Variants in PRKG1 observed in about 807,000 individuals in gnomAD.
PRKG1 encodes the protein protein kinase cGMP-dependent 1.
PRKG1 carries 35 observed loss-of-function variants against 88.1 expected under a neutral mutation model. The observed-to-expected ratio is 0.40, with a 90% CI of 0.30 to 0.53. The LOEUF (loss-of-function observed/expected upper bound fraction) is 0.53. PRKG1 is among the 20% of genes least tolerant of loss of function. The pLI is 0.59. For synonymous variants in PRKG1, 303 were observed against 292.5 expected, an observed-to-expected ratio of 1.04 and a Z score of -0.37; for missense variants, 540 against 839.8, an observed-to-expected ratio of 0.64 and a Z score of 4.41.
At chr10:51,705,629 T>C (rs560615984) in intron 3 of PRKG1, among the ~76,000 whole-genome samples, 63 of 152,284 alleles carry the variant, frequency 4.1e-4, no homozygotes, top group Non-Finnish European at 6.3e-4. Flanking sequence ...GAGCACTTAG[T>C]AGGGAGAAGG....
chr10:52,013,286 G>T (rs1438024330), intron 5 of PRKG1, among the ~76,000 whole-genome samples: 1 of 152,176 alleles, frequency 6.6e-6, no homozygotes, highest in African/African-American at 2.4e-5. Flanking sequence ...AGGCGTGGTG[G>T]TGGACACCTG....
intron 3 of PRKG1, among the ~76,000 whole-genome samples, chr10:51,578,519 C>A (rs1290855682): frequency 6.6e-6 from 1 of 151,962 alleles, no homozygotes; most frequent in Non-Finnish European, 1.5e-5. Context: ...TGGATCTATC[C>A]CTCTTTGCTG....
chr10:51,371,392 A>G (rs1201746061), intron 2 of PRKG1, among the ~76,000 whole-genome samples: 1 of 152,020 alleles, frequency 6.6e-6, no homozygotes, highest in Non-Finnish European at 1.5e-5. Flanking sequence ...AAAGAAAAAA[A>G]AACATGAGGA....
At chr10:51,847,603 ATTTT>A in intron 4 of PRKG1, among the ~76,000 whole-genome samples, 1 of 149,002 alleles carries the variant, frequency 6.7e-6, no homozygotes. Context: ...TTTAACAATG[ATTTT>A]TTTTTTCTGT....
chr10:51,959,292 G>A (rs74132860), intron 5 of PRKG1, among the ~76,000 whole-genome samples: 11,774 of 152,184 alleles, frequency 0.077, 1,285 homozygotes, highest in African/African-American at 0.24. Flanking sequence ...AGAAGATTTT[G>A]TAGAGGAGAA....
intron 2 of PRKG1, among the ~76,000 whole-genome samples, chr10:51,275,357 G>C (rs1399285604): frequency 6.6e-6 from 1 of 151,930 alleles, no homozygotes. Flanking sequence ...CACTTCTTTT[G>C]TTCATAAAAC....
At chr10:51,124,710 G>T (rs1403945457) in intron 1 of PRKG1, among the ~76,000 whole-genome samples, 1 of 152,156 alleles carries the variant, frequency 6.6e-6, no homozygotes, top group Non-Finnish European at 1.5e-5. Flanking sequence ...CATGGCTTTA[G>T]CCCTAATTGT....
At chr10:51,221,392 A>T (rs1589255633) in intron 2 of PRKG1, among the ~76,000 whole-genome samples, 1 of 152,122 alleles carries the variant, frequency 6.6e-6, no homozygotes, top group East Asian at 1.9e-4. Context: ...CAAAATATAT[A>T]TATTTAAGAT....
chr10:52,261,899 G>A (rs1315574741), intron 10 of PRKG1, among the ~76,000 whole-genome samples: 2 of 152,108 alleles, frequency 1.3e-5, no homozygotes, highest in African/African-American at 2.4e-5. Context: ...TTCACTTAAA[G>A]CATTTCATTT....
At chr10:51,765,028 T>G (rs1745891323) in intron 3 of PRKG1, among the ~76,000 whole-genome samples, 1 of 152,196 alleles carries the variant, frequency 6.6e-6, no homozygotes, top group South Asian at 2.1e-4. Context: ...TTTCTGTTGT[T>G]TATAAGCTGC....
At chr10:51,947,819 G>T (rs1843086134) in intron 5 of PRKG1, among the ~76,000 whole-genome samples, 1 of 151,728 alleles carries the variant, frequency 6.6e-6, no homozygotes, top group Admixed American at 6.5e-5. Flanking sequence ...TTGGGGTGGA[G>T]AGGGAGAGTC....
At chr10:51,972,579 A>C (rs959111485) in intron 5 of PRKG1, among the ~76,000 whole-genome samples, 1 of 152,152 alleles carries the variant, frequency 6.6e-6, no homozygotes. Flanking sequence ...TTTAAACTTC[A>C]GTTGTGAGTT....
chr10:51,733,795 G>T (rs767349161), intron 3 of PRKG1, among the ~76,000 whole-genome samples: 1 of 151,968 alleles, frequency 6.6e-6, no homozygotes, highest in Non-Finnish European at 1.5e-5. Flanking sequence ...TGCAATTGTC[G>T]CAATGAATAT....
chr10:51,501,227 G>C (rs1484861674), intron 3 of PRKG1, among the ~76,000 whole-genome samples: 1 of 152,032 alleles, frequency 6.6e-6, no homozygotes, highest in Non-Finnish European at 1.5e-5. Flanking sequence ...AGCAGTATTG[G>C]GGGCCCACTA....
chr10:51,924,584 T>C (rs1842532153), intron 5 of PRKG1, among the ~76,000 whole-genome samples: 1 of 152,204 alleles, frequency 6.6e-6, no homozygotes, highest in African/African-American at 2.4e-5. Context: ...TGTCTGTCAT[T>C]AATTTTGGAA....
chr10:51,736,802 CTTT>C (rs1204738786), intron 3 of PRKG1, among the ~76,000 whole-genome samples: 1 of 145,622 alleles, frequency 6.9e-6, no homozygotes, highest in Admixed American at 6.9e-5. Context: ...CTAATTTTAA[CTTT>C]TTTTTTTTTT....
intron 5 of PRKG1, among the ~76,000 whole-genome samples, chr10:51,982,487 T>G (rs908530907): frequency 1.3e-5 from 2 of 152,232 alleles, no homozygotes; most frequent in African/African-American, 4.8e-5. Context: ...TTGATTTATT[T>G]TCTTTTATCC....
intron 3 of PRKG1, among the ~76,000 whole-genome samples, chr10:51,588,097 T>A (rs188550069): frequency 1.3e-3 from 194 of 152,330 alleles, no homozygotes; most frequent in African/African-American, 4.3e-3. Context: ...CTGGAGGGAC[T>A]GTCTCTTGAC....
chr10:51,400,114 ATAAT>A (rs1018414083), intron 2 of PRKG1, among the ~76,000 whole-genome samples: 1 of 152,146 alleles, frequency 6.6e-6, no homozygotes, highest in Non-Finnish European at 1.5e-5. Flanking sequence ...CATTTCCCTA[ATAAT>A]TTTTTGAGTA....
Sources: allele counts gnomAD v4.1 joint callset (sites outside exome capture counted in the v4.1 genomes callset), GRCh38; gene constraint gnomAD v4.1.1; transcripts MANE v1.5; gene names NCBI Gene and HGNC (gene_info 2026-07-23, HGNC 2026-07-21).